Variants in RNF144B observed in about 807,000 individuals in gnomAD.
RNF144B encodes the protein E3 ubiquitin-protein ligase RNF144B.
RNF144B carries 25 observed loss-of-function variants against 40.2 expected under a neutral mutation model. The ratio of observed to expected loss-of-function variants is 0.62; its 90% CI spans 0.45 to 0.87. RNF144B has a LOEUF of 0.87. RNF144B is among the 40% of genes least tolerant of loss of function. The probability of loss-of-function intolerance (pLI) is 0.00; values close to 1 mark genes in which losing one functional copy is unlikely to be tolerated. For synonymous variants in RNF144B, 145 were observed against 136.3 expected (o/e 1.06, Z -0.44); for missense variants, 365 against 373.7 (o/e 0.98, Z 0.19).
Position 18,465,143 on chromosome 6 carries a change from T to C in RNF144B, c.*76T>C, listed in dbSNP as rs1759550082. ...AGTGATAAAGCCCCATTTAGTGACC[T>C]TGCCTCCTTCTCCTTGCCAACTTTG... On this transcript the variant is annotated 3_prime_UTR_variant, in exon 8 of 8. Transcript: ENST00000259939. The C allele has an allele frequency of 4.0e-6, 6 of 1,490,084 alleles. No individual in the cohort carries two copies. Among genetic ancestry groups the C allele is most frequent in the East Asian group, 2.3e-5 (1 of 42,714 alleles). The allele number at this position is 1,490,084 out of a possible 1,614,324, so 92.3% of individuals were successfully genotyped here. A position where few individuals can be genotyped will look rare whatever the true frequency, so the allele number is the denominator to read the frequency against.
At position 18,400,847 on chromosome 6, in the gene RNF144B, T is replaced by C. The variant is rs948220676; in HGVS notation, c.165+1148T>C. Among the ~76,000 whole-genome samples the C allele has an allele frequency of 2.0e-5, 3 of 152,062 alleles. No individual in the cohort carries two copies. Among genetic ancestry groups the C allele is most frequent in the Admixed American group, 1.3e-4 (2 of 15,270 alleles). On this transcript the variant is annotated intron_variant, in intron 2 of 7. Coordinates refer to ENST00000259939, the MANE Select transcript of RNF144B (RefSeq NM_182757.4). This position sits in a 1 kb window ranked among gnomAD's most constrained non-coding sequence, Gnocchi z 5.6. ...GCTTAGAGGATGTTGCTGTTTTAGG[T>C]AGGGGGATCAGAAGTAGGCCTTGCT...
At chr6:18,426,792 G>T (rs2181914) in intron 2 of RNF144B, among the ~76,000 whole-genome samples, 3 of 130,680 alleles carry the variant, frequency 2.3e-5, no homozygotes, top group African/African-American at 5.2e-5. Context: ...TCTATTCAAT[G>T]TCTTCTCTGG....
chr6:18,457,403 T>G lies in RNF144B; in HGVS notation c.536+44T>G. 6.8e-7 allele frequency: 1 copy of G among 1,470,322 alleles called. No homozygotes were observed. The highest frequency in any genetic ancestry group is 9.5e-7 in the Non-Finnish European group (1 of 1,049,024). The allele number at this position is 1,470,322 out of a possible 1,614,324, so 91.1% of individuals were successfully genotyped here. A position where few individuals can be genotyped will look rare whatever the true frequency, so the allele number is the denominator to read the frequency against. On this transcript the variant is annotated intron_variant, in intron 5 of 7. Coordinates refer to ENST00000259939, the MANE Select transcript of RNF144B (RefSeq NM_182757.4). The surrounding 1 kb of genome is among the most constrained non-coding windows in gnomAD (Gnocchi z 5.1). Reference sequence around the variant, plus strand: ...TCTTTGGGATTATTCACTAGTTTTCTTAGAAATTCAACATACCTTACGTGT... The same window carrying G: ...TCTTTGGGATTATTCACTAGTTTTCGTAGAAATTCAACATACCTTACGTGT...
chr6:18,398,821 G>A lies in RNF144B; in HGVS notation c.-36-678G>A, dbSNP rs993782310. The stretch of plus-strand genomic sequence containing the variant: ...TTTCAGTTCTTTTGGGTATATACCC[G>A]ATTGCTGGATCATATGTTACCTCTT... On this transcript the variant is annotated intron_variant, in intron 1 of 7. Transcript: ENST00000259939. This position sits in a 1 kb window ranked among gnomAD's most constrained non-coding sequence, Gnocchi z 5.0. Among the ~76,000 whole-genome samples the A allele has an allele frequency of 1.6e-4, 25 of 152,280 alleles. No homozygotes were observed. The highest frequency in any genetic ancestry group is 7.8e-4 in the Admixed American group (12 of 15,306).
At chr6:18,435,727 A>G (rs555166562) in intron 3 of RNF144B, among the ~76,000 whole-genome samples, 4 of 152,146 alleles carry the variant, frequency 2.6e-5, no homozygotes, top group Non-Finnish European at 4.4e-5. Context: ...TTGTAGGGAC[A>G]TGGATGAAGC....
chr6:18,388,179 A>G (rs2113446641), intron 1 of RNF144B, among the ~76,000 whole-genome samples: 1 of 152,316 alleles, frequency 6.6e-6, no homozygotes, highest in Admixed American at 6.5e-5. Context: ...CTATTCACAT[A>G]AAGATTTCCC....
chr6:18,400,405 ATCT>A lies in RNF144B; in HGVS notation c.165+710_165+712del, dbSNP rs1360222893. 6.6e-6 allele frequency among the ~76,000 whole-genome samples: 1 copy of A among 152,204 alleles called. No individual in the cohort carries two copies. The highest frequency in any genetic ancestry group is 1.5e-5 in the Non-Finnish European group (1 of 68,044). On this transcript the variant is annotated intron_variant, in intron 2 of 7. Transcript: ENST00000259939. This position sits in a 1 kb window ranked among gnomAD's most constrained non-coding sequence, Gnocchi z 5.6. ...TGAATTTTCATTCATATACTTGTTC[ATCT>A]TCTACAATGTACATGATATAAATTG...
intron 1 of RNF144B, among the ~76,000 whole-genome samples, chr6:18,392,218 C>A (rs933602444): frequency 3.3e-5 from 5 of 151,456 alleles, no homozygotes; most frequent in African/African-American, 1.2e-4. Context: ...AAAAAAAAAA[C>A]GATGTGCCAG....
In RNF144B at chr6:18,441,027, G is replaced by A. The variant is rs1188584700; in HGVS notation, c.331+1283G>A. Among the ~76,000 whole-genome samples, 1 of 151,974 alleles carries A rather than the reference G, an allele frequency of 6.6e-6. No individual in the cohort carries two copies. The highest frequency in any genetic ancestry group is 6.6e-5 in the Admixed American group (1 of 15,242). On this transcript the variant is annotated intron_variant, in intron 4 of 7. Transcript: ENST00000259939. The surrounding 1 kb of genome is among the most constrained non-coding windows in gnomAD (Gnocchi z 4.9). ...GAACCAGGGAGTCAGAAGGATTTTT[G>A]GTTTAATGGATGATGACATAATCTG...
At chr6:18,391,532 G>A (rs1006367975) in intron 1 of RNF144B, among the ~76,000 whole-genome samples, 3 of 152,260 alleles carry the variant, frequency 2.0e-5, no homozygotes, top group Admixed American at 2.0e-4. Context: ...GCCTTACCCT[G>A]TAGGGTAATG....
chr6:18,445,298 A>T (rs1389819498), intron 4 of RNF144B, among the ~76,000 whole-genome samples: 1 of 152,178 alleles, frequency 6.6e-6, no homozygotes, highest in East Asian at 1.9e-4. Flanking sequence ...TGTAATGCTG[A>T]TGGTGCCAGT....
chr6:18,430,142 C>T (rs1340976803), intron 3 of RNF144B, among the ~76,000 whole-genome samples: 19 of 152,142 alleles, frequency 1.2e-4, no homozygotes, highest in Admixed American at 1.2e-3. Flanking sequence ...AGCCACTAGC[C>T]ACATGTGGCT....
At chr6:18,455,187 A>G (rs1759298376) in intron 4 of RNF144B, among the ~76,000 whole-genome samples, 1 of 152,154 alleles carries the variant, frequency 6.6e-6, no homozygotes, top group Admixed American at 6.5e-5. Context: ...GGTTTTAGTG[A>G]TCTTGGAGGG....
chr6:18,421,315 C>CACATAT (rs1554176693), intron 2 of RNF144B, among the ~76,000 whole-genome samples: 1 of 142,508 alleles, frequency 7.0e-6, no homozygotes, highest in African/African-American at 2.7e-5. Flanking sequence ...CACACACACA[C>CACATAT]ATATATATAA....
At chr6:18,394,180 CCTA>C (rs1320823597) in intron 1 of RNF144B, among the ~76,000 whole-genome samples, 1 of 152,122 alleles carries the variant, frequency 6.6e-6, no homozygotes, top group Non-Finnish European at 1.5e-5. Context: ...GGATAAGTGT[CCTA>C]ATAATAATTA....
Position 18,387,361 on chromosome 6 carries a change from C to A in RNF144B, c.-306C>A. On this transcript the variant is annotated 5_prime_UTR_variant, in exon 1 of 8. Transcript: ENST00000259939. ...CTACCGCTGCTGGCGAGCTGTGCCCCACGCTCCCGCTGCAACAGTCCCGGG... is the reference window on the plus strand; with the variant it reads ...CTACCGCTGCTGGCGAGCTGTGCCCAACGCTCCCGCTGCAACAGTCCCGGG... 8.7e-7 allele frequency: 1 copy of A among 1,150,306 alleles called. No homozygotes were observed. The highest frequency in any genetic ancestry group is 1.1e-6 in the Non-Finnish European group (1 of 920,044). 71.3% of individuals were successfully genotyped at this position (1,150,306 alleles called of 1,614,324 possible). A position where few individuals can be genotyped will look rare whatever the true frequency, so the allele number is the denominator to read the frequency against.
intron 3 of RNF144B, among the ~76,000 whole-genome samples, chr6:18,428,026 C>A (rs563627273): frequency 2.0e-5 from 3 of 152,112 alleles, no homozygotes; most frequent in East Asian, 1.9e-4. Flanking sequence ...ATAATCCCCA[C>A]GTGTCAAGGG....
rs1582454293 is a variant in RNF144B, at chr6:18,466,059, A to G, written c.*992A>G. On this transcript the variant is annotated 3_prime_UTR_variant, in exon 8 of 8. Coordinates refer to ENST00000259939, the MANE Select transcript of RNF144B (RefSeq NM_182757.4). ...TGTAATTTCTATCCATTGAGCATGCATGGATATACCCAATAGTACACACAA... is the reference window on the plus strand; with the variant it reads ...TGTAATTTCTATCCATTGAGCATGCGTGGATATACCCAATAGTACACACAA... 1 of 152,244 alleles carries G rather than the reference A, an allele frequency of 6.6e-6. No individual in the cohort carries two copies. Among genetic ancestry groups the G allele is most frequent in the African/African-American group, 2.4e-5 (1 of 41,464 alleles). 9.4% of individuals were successfully genotyped at this position (152,244 alleles called of 1,614,324 possible).
chr6:18,412,320 T>TAC lies in RNF144B; in HGVS notation c.165+12622_165+12623dup, dbSNP rs1258187868. On this transcript the variant is annotated intron_variant, in intron 2 of 7. Transcript: ENST00000259939. The surrounding 1 kb of genome is among the most constrained non-coding windows in gnomAD (Gnocchi z 4.2). Reference sequence around the variant, plus strand: ...AGAACATATCTCATGGTTTAATCCATACTTCCTCTTTTTAGGAGGAAGCAA... The same window carrying TAC: ...AGAACATATCTCATGGTTTAATCCATACACTTCCTCTTTTTAGGAGGAAGCAA... Among the ~76,000 whole-genome samples, 1 of 152,222 alleles carries TAC rather than the reference T, an allele frequency of 6.6e-6. No individual in the cohort carries two copies. Among genetic ancestry groups the TAC allele is most frequent in the Non-Finnish European group, 1.5e-5 (1 of 68,042 alleles).
Sources: gnomAD v4.1 joint callset for allele counts (sites outside exome capture counted in the v4.1 genomes callset) on GRCh38, gnomAD v4.1.1 for gene constraint, Gnocchi (gnomAD v3.1) non-coding constraint, MANE v1.5 for transcripts, NCBI Gene and HGNC (gene_info 2026-07-23, HGNC 2026-07-21) for gene names.